Variants in SCN4B observed in about 807,000 individuals in gnomAD.
SCN4B encodes sodium channel regulatory subunit beta-4.
SCN4B carries 20 observed loss-of-function variants against 19.6 expected under a neutral mutation model. The ratio of observed to expected loss-of-function variants is 1.02; its 90% confidence interval spans 0.72 to 1.48. The LOEUF (loss-of-function observed/expected upper bound fraction) is 1.48. Ranked by LOEUF, SCN4B falls within the 40% of genes most tolerant of loss-of-function variation. The probability of loss-of-function intolerance (pLI) is 0.00; values close to 1 mark genes in which losing one functional copy is unlikely to be tolerated. For synonymous variants in SCN4B, 127 were observed against 122.8 expected (o/e 1.03, Z -0.22); for missense variants, 271 against 287.5 (o/e 0.94, Z 0.42).
At chr11:118,150,164 A>G (rs1211193290) in intron 1 of SCN4B, among the ~76,000 whole-genome samples, 1 of 152,228 alleles carries the variant, frequency 6.6e-6, no homozygotes, top group African/African-American at 2.4e-5. Context: ...ACAGCAATTA[A>G]GTAAATGGGG....
At chr11:118,142,428 C>T (rs902155895) in intron 3 of SCN4B, among the ~76,000 whole-genome samples, 3 of 152,266 alleles carry the variant, frequency 2.0e-5, no homozygotes, top group South Asian at 4.1e-4. Flanking sequence ...TCGCCTTTTC[C>T]AGAGAGCCCT....
intron 1 of SCN4B, among the ~76,000 whole-genome samples, chr11:118,151,121 T>TGC (rs1187042933): frequency 1.1e-5 from 1 of 93,656 alleles, no homozygotes; most frequent in Non-Finnish European, 2.1e-5. Context: ...CTTACACACG[T>TGC]GCACACACAC....
chr11:118,140,224 T>A (rs1410359928), intron 4 of SCN4B, among the ~76,000 whole-genome samples: 1 of 152,228 alleles, frequency 6.6e-6, no homozygotes, highest in Non-Finnish European at 1.5e-5. Flanking sequence ...TCACAGCCTC[T>A]GGCCACAAGG....
At chr11:118,138,564 G>T (rs10790240) in intron 4 of SCN4B, among the ~76,000 whole-genome samples, 90,008 of 151,902 alleles carry the variant, frequency 0.59, 26,720 homozygotes, top group South Asian at 0.72. Flanking sequence ...ACGACCCACC[G>T]AACTGTATTC....
At position 118,135,995 on chromosome 11, in the gene SCN4B, G is replaced by A. The variant is rs1175907691; in HGVS notation, c.*1032C>T. ...AGGCAGGCCCTTGACCCAGGGCTGG[G>A]AAATGAACCACCCTGGGGGCAGGGC... On this transcript the variant is annotated 3_prime_UTR_variant, in exon 5 of 5. Coordinates refer to ENST00000324727, the MANE Select transcript of SCN4B (RefSeq NM_174934.4). 1 of 450,566 alleles carries A rather than the reference G, an allele frequency of 2.2e-6. No individual in the cohort carries two copies. The highest frequency in any genetic ancestry group is 2.0e-5 in the African/African-American group (1 of 49,128). 27.9% of individuals were successfully genotyped at this position (450,566 alleles called of 1,614,324 possible).
rs376898310 is a variant in SCN4B, at chr11:118,134,855, G to A, written c.*2172C>T. ...ACTTGCCAAGCCTCACAACAGTCCT[G>A]TGAGGTAGGTAAGTATTATTACACC... On this transcript the variant is annotated 3_prime_UTR_variant, in exon 5 of 5. Coordinates refer to ENST00000324727, the MANE Select transcript of SCN4B (RefSeq NM_174934.4). 1.5e-5 allele frequency: 7 copies of A among 453,994 alleles called. No homozygotes were observed. Among genetic ancestry groups the A allele is most frequent in the Non-Finnish European group, 3.1e-5 (7 of 226,792 alleles). 28.1% of individuals were successfully genotyped at this position (453,994 alleles called of 1,614,324 possible). A position where few individuals can be genotyped will look rare whatever the true frequency, so the allele number is the denominator to read the frequency against.
Position 118,134,589 on chromosome 11 carries a change from T to A in SCN4B, c.*2438A>T. 2.2e-6 allele frequency: 1 copy of A among 453,958 alleles called. No homozygotes were observed. Among genetic ancestry groups the A allele is most frequent in the South Asian group, 1.6e-5 (1 of 64,464 alleles). 28.1% of individuals were successfully genotyped at this position (453,958 alleles called of 1,614,324 possible). On this transcript the variant is annotated 3_prime_UTR_variant, in exon 5 of 5. Transcript: ENST00000324727. ...TCTCAGTCACCTCTATTGAAAACCA[T>A]CAAACAAAAGCCATGGACAAGAAGC...
intron 1 of SCN4B, among the ~76,000 whole-genome samples, chr11:118,152,116 C>A (rs972435001): frequency 6.6e-6 from 1 of 152,054 alleles, no homozygotes; most frequent in Non-Finnish European, 1.5e-5. Context: ...GGCAGAGGAG[C>A]AAAGCAGGAA....
rs75790059 is a variant in SCN4B at position 118,151,755 on chromosome 11, G to A, written c.61+858C>T. 5.6e-4 allele frequency among the ~76,000 whole-genome samples: 86 copies of A among 152,262 alleles called. 1 individual carries two copies. In the East Asian group the frequency reaches 0.015, roughly 26 times the overall value. On this transcript the variant is annotated intron_variant, in intron 1 of 4. Transcript: ENST00000324727. ...AGATGCCGTTGCCAGAGATGGAGTC[G>A]GCTTACATTAAAGTCTGGCTATGAT...
intron 1 of SCN4B, among the ~76,000 whole-genome samples, chr11:118,152,235 C>A (rs1305780716): frequency 6.6e-6 from 1 of 152,178 alleles, no homozygotes; most frequent in Non-Finnish European, 1.5e-5. Flanking sequence ...TTCCAACAGT[C>A]ACACGTGCAA....
rs1390937691 is a variant in SCN4B, at chr11:118,141,288, C to T, written c.512G>A (p.Gly171Asp). ...TVTLIILAVV[G>D]GVIGLLILIL... ...GAGGATGAGGAGCCCGATGACCCCGCCCACGACAGCCAGGATGATGAGTGT... is the reference window on the plus strand; with the variant it reads ...GAGGATGAGGAGCCCGATGACCCCGTCCACGACAGCCAGGATGATGAGTGT... Residue 171 changes from glycine to aspartate, a missense_variant, in exon 4 of 5, where the codon GGC (glycine) becomes GAC (aspartate). Physicochemically the swap from Gly to Asp is moderately conservative, Grantham distance 94. Coordinates refer to ENST00000324727, the MANE Select transcript of SCN4B (RefSeq NM_174934.4). The T allele has an allele frequency of 1.2e-6, 2 of 1,612,550 alleles. No individual in the cohort carries two copies. Among genetic ancestry groups the T allele is most frequent in the African/African-American group, 1.3e-5 (1 of 74,928 alleles).
chr11:118,139,046 T>C (rs939258682), intron 4 of SCN4B, among the ~76,000 whole-genome samples: 5 of 152,078 alleles, frequency 3.3e-5, no homozygotes, highest in African/African-American at 1.2e-4. Flanking sequence ...CTTTCTTCTG[T>C]GCTCTCTGAT....
Position 118,152,682 on chromosome 11 carries a change from T to C in SCN4B, c.-9A>G. 6.3e-7 allele frequency: 1 copy of C among 1,588,662 alleles called. No homozygotes were observed. The highest frequency in any genetic ancestry group is 1.1e-5 in the South Asian group (1 of 89,710). On this transcript the variant is annotated 5_prime_UTR_variant, in exon 1 of 5. Coordinates refer to ENST00000324727, the MANE Select transcript of SCN4B (RefSeq NM_174934.4). ...TCCCCAGCCCCGGGCATAGTCCTGT[T>C]CTCTCCGGAGCGCGCGGGGGTCGCG...
intron 4 of SCN4B, among the ~76,000 whole-genome samples, chr11:118,138,136 G>A (rs1162499529): frequency 6.6e-6 from 1 of 152,226 alleles, no homozygotes; most frequent in African/African-American, 2.4e-5. Context: ...GAACTCCCCA[G>A]GGAGCACCTG....
chr11:118,134,347 A>G lies in SCN4B; in HGVS notation c.*2680T>C, dbSNP rs1435550175. ...TTGTAAGTGGCTCTCTCTAGCCCAC[A>G]AGCCCTGGAAGCCACCATCAGAGAT... is the stretch of plus-strand genomic sequence containing the variant. On this transcript the variant is annotated 3_prime_UTR_variant, in exon 5 of 5. Transcript: ENST00000324727. 7 of 453,958 alleles carry G rather than the reference A, an allele frequency of 1.5e-5. No homozygotes were observed. Among genetic ancestry groups the G allele is most frequent in the Non-Finnish European group, 2.6e-5 (6 of 226,766 alleles). 28.1% of individuals were successfully genotyped at this position (453,958 alleles called of 1,614,324 possible). A position where few individuals can be genotyped will look rare whatever the true frequency, so the allele number is the denominator to read the frequency against.
At position 118,135,384 on chromosome 11, in the gene SCN4B, G is replaced by A; in HGVS notation, c.*1643C>T. The A allele has an allele frequency of 2.2e-6, 1 of 454,028 alleles. No homozygotes were observed. The highest frequency in any genetic ancestry group is 4.4e-6 in the Non-Finnish European group (1 of 226,760). The allele number at this position is 454,028 out of a possible 1,614,324, so 28.1% of individuals were successfully genotyped here. On this transcript the variant is annotated 3_prime_UTR_variant, in exon 5 of 5. Coordinates refer to ENST00000324727, the MANE Select transcript of SCN4B (RefSeq NM_174934.4). ...CTCTGAGGTAGACCCCAAACTCTCTGAAAAAGGGGGCTACTCCTCTCTCAT... is the reference window on the plus strand; with the variant it reads ...CTCTGAGGTAGACCCCAAACTCTCTAAAAAAGGGGGCTACTCCTCTCTCAT...
At chr11:118,137,290 C>T (rs1378154042) in intron 4 of SCN4B, among the ~76,000 whole-genome samples, 170 bp from the exon 5 acceptor site, 1 of 152,192 alleles carries the variant, frequency 6.6e-6, no homozygotes, top group Non-Finnish European at 1.5e-5. Flanking sequence ...TCAGTCCCCT[C>T]ATTTGTGAAA....
intron 1 of SCN4B, among the ~76,000 whole-genome samples, chr11:118,147,629 C>T (rs1480245654): frequency 6.6e-6 from 1 of 152,208 alleles, no homozygotes; most frequent in Admixed American, 6.5e-5. Flanking sequence ...GACACAAGAT[C>T]CCACTCTCCA....
chr11:118,152,043 C>G (rs1948237874), intron 1 of SCN4B, among the ~76,000 whole-genome samples: 1 of 152,290 alleles, frequency 6.6e-6, no homozygotes, highest in African/African-American at 2.4e-5. Flanking sequence ...GCAAGCCCCT[C>G]CAGCCCCTTC....
Sources: gnomAD v4.1 joint callset for allele counts (sites outside exome capture counted in the v4.1 genomes callset) on GRCh38, gnomAD v4.1.1 for gene constraint, MANE v1.5 for transcripts, NCBI Gene and HGNC (gene_info 2026-07-23, HGNC 2026-07-21) for gene names.